Variants in LGSN observed in about 807,000 individuals in gnomAD.
LGSN encodes lengsin, lens protein with glutamine synthetase domain.
A neutral mutation model predicts 19.5 loss-of-function variants in LGSN; 21 were observed. That is an observed-to-expected ratio of 1.07 (90% CI 0.76 to 1.55). The LOEUF (loss-of-function observed/expected upper bound fraction) is 1.55, where lower values mean the gene tolerates loss of function less well. LGSN is among the 40% of genes most tolerant of loss of function. The probability of loss-of-function intolerance (pLI) is 0.00; values close to 1 mark genes in which losing one functional copy is unlikely to be tolerated. For synonymous variants in LGSN, 257 were observed against 215.6 expected (o/e 1.19, Z -1.68); for missense variants, 673 against 608.5 (o/e 1.11, Z -1.12).
intron 1 of LGSN, among the ~76,000 whole-genome samples, chr6:63,317,054 A>T (rs930721475): frequency 1.3e-5 from 2 of 152,152 alleles, no homozygotes; most frequent in Non-Finnish European, 2.9e-5. Context: ...GTAAAAAGGT[A>T]TATTATATAT....
At chr6:63,384,587 G>A in the LGSN span, among the ~76,000 whole-genome samples, 600 of 150,592 alleles carry the variant, frequency 4.0e-3, 5 homozygotes, top group East Asian at 0.042. Context: ...GCACAAGCTC[G>A]GCTCACTACA....
the LGSN span, among the ~76,000 whole-genome samples, chr6:63,453,597 T>G: frequency 6.6e-6 from 1 of 152,184 alleles, no homozygotes. Flanking sequence ...TGCTTTTTTT[T>G]TTGTTTGCAT....
chr6:63,428,333 A>G, the LGSN span, among the ~76,000 whole-genome samples: 1 of 152,114 alleles, frequency 6.6e-6, no homozygotes, highest in Non-Finnish European at 1.5e-5. Context: ...ATGAATGAAT[A>G]CAGGCATAAT....
chr6:63,464,366 G>C, the LGSN span, among the ~76,000 whole-genome samples: 1 of 151,894 alleles, frequency 6.6e-6, no homozygotes, highest in Non-Finnish European at 1.5e-5. Context: ...TCAGTTGTTT[G>C]CTTTCTCTAT....
the LGSN span, among the ~76,000 whole-genome samples, chr6:63,563,982 T>C: frequency 6.1e-4 from 93 of 152,294 alleles, no homozygotes; most frequent in Admixed American, 1.1e-3. Context: ...AGAAATACAT[T>C]ATAGGACAAC....
the LGSN span, among the ~76,000 whole-genome samples, chr6:63,363,029 C>T: frequency 1.3e-5 from 2 of 152,264 alleles, no homozygotes; most frequent in South Asian, 2.1e-4. Flanking sequence ...CAATATTTGC[C>T]GTTCTGCAAT....
At chr6:63,428,834 C>T in the LGSN span, among the ~76,000 whole-genome samples, 299 of 152,278 alleles carry the variant, frequency 2.0e-3, 2 homozygotes, top group African/African-American at 6.8e-3. Context: ...GATGTTTCAG[C>T]TCTCATAAGA....
chr6:63,568,698 G>T, the LGSN span, among the ~76,000 whole-genome samples: 1 of 151,276 alleles, frequency 6.6e-6, no homozygotes, highest in Non-Finnish European at 1.5e-5. Context: ...AATAAATGAA[G>T]GTATGCCTGT....
chr6:63,564,078 C>A, the LGSN span, among the ~76,000 whole-genome samples: 1 of 152,100 alleles, frequency 6.6e-6, no homozygotes, highest in African/African-American at 2.4e-5. Flanking sequence ...AGTTCGAGAC[C>A]AGCCTGGCCA....
intron 1 of LGSN, among the ~76,000 whole-genome samples, chr6:63,300,230 C>G (rs1279200024): frequency 1.3e-5 from 2 of 152,226 alleles, no homozygotes; most frequent in Non-Finnish European, 2.9e-5. Context: ...GTCCTTGACT[C>G]TACACCTGGT....
At chr6:63,433,551 C>A in the LGSN span, among the ~76,000 whole-genome samples, 1 of 152,188 alleles carries the variant, frequency 6.6e-6, no homozygotes, top group South Asian at 2.1e-4. Flanking sequence ...TCACAGTGAA[C>A]TAGTATTCAA....
At chr6:63,437,136 AAGG>A in the LGSN span, among the ~76,000 whole-genome samples, 1 of 42,182 alleles carries the variant, frequency 2.4e-5, no homozygotes, top group South Asian at 1.2e-3. Flanking sequence ...AAAAGAAAGA[AAGG>A]AGAAAGAAAG....
At chr6:63,459,954 T>G in the LGSN span, among the ~76,000 whole-genome samples, 1 of 152,028 alleles carries the variant, frequency 6.6e-6, no homozygotes. Context: ...AATGCTAAAG[T>G]TTCCTAGGAA....
the LGSN span, among the ~76,000 whole-genome samples, chr6:63,471,390 G>A: frequency 6.6e-6 from 1 of 152,046 alleles, no homozygotes; most frequent in Non-Finnish European, 1.5e-5. Context: ...ACCAGGCCAG[G>A]AGCAGTGGCT....
chr6:63,280,673 G>A lies in LGSN; in HGVS notation c.878C>T (p.Ala293Val). 4 of 1,614,006 alleles carry A rather than the reference G, an allele frequency of 2.5e-6. No homozygotes were observed. Among genetic ancestry groups the A allele is most frequent in the Non-Finnish European group, 3.4e-6 (4 of 1,180,004 alleles). ...GCTGGCAATGTAATTATATTTCCTT[G>A]CCACTTCTTTGACACCTGTTCTGAG... is the stretch of plus-strand genomic sequence containing the variant. Reference protein sequence around the residue: ...FTLRTGVKEVARKYNYIASFF... With the variant: ...FTLRTGVKEVVRKYNYIASFF... The change falls in exon 4 of 4, where the codon GCA (alanine) becomes GTA (valine). Residue 293 changes from alanine to valine, a missense_variant. Physicochemically the swap from Ala to Val is moderately conservative, Grantham distance 64. Transcript: ENST00000370657.
At chr6:63,385,248 C>A in the LGSN span, among the ~76,000 whole-genome samples, 1 of 152,076 alleles carries the variant, frequency 6.6e-6, no homozygotes, top group Non-Finnish European at 1.5e-5. Context: ...ATTGCTTTAG[C>A]CATCTTACAC....
the LGSN span, among the ~76,000 whole-genome samples, chr6:63,567,026 T>C: frequency 6.6e-6 from 1 of 152,232 alleles, no homozygotes; most frequent in African/African-American, 2.4e-5. Flanking sequence ...ATTGCAGCGA[T>C]TTAGTCAACT....
chr6:63,572,517 G>GGCTCGGCTACGC, the LGSN span: 1 of 391,210 alleles, frequency 2.6e-6, no homozygotes, highest in African/African-American at 2.1e-5. Context: ...GCTGCGGGCC[G>GGCTCGGCTACGC]GCTCGGCTAC....
the LGSN span, among the ~76,000 whole-genome samples, chr6:63,463,824 A>G: frequency 6.6e-6 from 1 of 152,332 alleles, no homozygotes; most frequent in East Asian, 1.9e-4. Context: ...TTTTGAATAT[A>G]TCATCTAATT....
Sources: gnomAD v4.1 joint callset for allele counts (sites outside exome capture counted in the v4.1 genomes callset) on GRCh38, gnomAD v4.1.1 for gene constraint, MANE v1.5 for transcripts, NCBI Gene and HGNC (gene_info 2026-07-23, HGNC 2026-07-21) for gene names.